Variants in LIN52 observed in about 807,000 individuals in gnomAD.
LIN52 encodes the protein protein lin-52 homolog.
In LIN52, 4 loss-of-function variants were observed where a neutral mutation model predicts 18.5. The observed-to-expected ratio is 0.22, with a 90% CI of 0.11 to 0.49. LIN52 has a LOEUF of 0.49. LIN52 is among the 20% of genes least tolerant of loss of function. The pLI is 0.97. For missense variants in LIN52, 102 were observed against 139.5 expected, an observed-to-expected ratio of 0.73 and a Z score of 1.35; for synonymous variants, 34 against 45.5, an observed-to-expected ratio of 0.75 and a Z score of 1.02.
chr14:74,121,869 G>A (rs79328555), intron 5 of LIN52, among the ~76,000 whole-genome samples: 11,407 of 151,896 alleles, frequency 0.075, 572 homozygotes, highest in South Asian at 0.26. Flanking sequence ...GATTACAGGC[G>A]CGCACACCAC....
In LIN52 at chr14:74,198,936, CG is replaced by C. The variant is rs2139601937; in HGVS notation, c.303del (p.Lys102AsnfsTer6). 6.2e-7 allele frequency: 1 copy of C among 1,612,126 alleles called. No individual in the cohort carries two copies. Among genetic ancestry groups the C allele is most frequent in the East Asian group, 2.2e-5 (1 of 44,862 alleles). ...LGLDESREMTRGKFLNILEKP... is the reference protein window; with the variant it reads ...LGLDESREMTXGKFLNILEKP... ...TGTGATTCCAGCCAGAGAGATGACA[CG>C]GGGGAAATTCCTCAATATTCTAGAG... On this transcript the variant is annotated frameshift_variant, in exon 6 of 6. Coordinates refer to ENST00000555028, the MANE Select transcript of LIN52 (RefSeq NM_001024674.3). LOFTEE classifies it high-confidence loss of function.
At chr14:74,129,670 TAGTG>T (rs1483358325) in intron 5 of LIN52, among the ~76,000 whole-genome samples, 1 of 152,038 alleles carries the variant, frequency 6.6e-6, no homozygotes, top group Non-Finnish European at 1.5e-5. Flanking sequence ...CCAAACAACA[TAGTG>T]AGAACCCATC....
At chr14:74,124,849 A>G (rs2061019963) in intron 5 of LIN52, among the ~76,000 whole-genome samples, 1 of 147,306 alleles carries the variant, frequency 6.8e-6, no homozygotes, top group Non-Finnish European at 1.5e-5. Flanking sequence ...GAGGCTCTTG[A>G]TAAAGAAGTG....
At position 74,118,876 on chromosome 14, in the gene LIN52, A is replaced by G. The variant is rs538869957; in HGVS notation, c.283+17638A>G. 7.1e-4 allele frequency among the ~76,000 whole-genome samples: 108 copies of G among 152,346 alleles called. 1 individual carries two copies. Among genetic ancestry groups the G allele is most frequent in the African/African-American group, 2.5e-3 (103 of 41,586 alleles). On this transcript the variant is annotated intron_variant, in intron 5 of 5. Transcript: ENST00000555028. ...TCAAAGCATTACTGTGACTTATACT[A>G]TCATAGAATAATTTTGTTTATCTTT...
At chr14:74,134,389 G>A (rs2061086068) in intron 5 of LIN52, among the ~76,000 whole-genome samples, 1 of 152,110 alleles carries the variant, frequency 6.6e-6, no homozygotes, top group Admixed American at 6.5e-5. Context: ...AGGAATGGTG[G>A]GATAGGAATT....
At chr14:74,088,953 G>A (rs562904110) in intron 1 of LIN52, among the ~76,000 whole-genome samples, 5 of 152,320 alleles carry the variant, frequency 3.3e-5, no homozygotes, top group East Asian at 1.9e-4. Context: ...TTTATAGAGT[G>A]TGGTAGATAC....
chr14:74,167,733 A>T (rs1413507832), intron 5 of LIN52, among the ~76,000 whole-genome samples: 1 of 152,072 alleles, frequency 6.6e-6, no homozygotes, highest in Non-Finnish European at 1.5e-5. Context: ...GGAGGGTCTC[A>T]CTATGTTGCC....
At chr14:74,195,266 A>G (rs989216031) in intron 5 of LIN52, among the ~76,000 whole-genome samples, 1 of 152,240 alleles carries the variant, frequency 6.6e-6, no homozygotes, top group African/African-American at 2.4e-5. Context: ...GAACAAAGAA[A>G]AAGGAGAAAA....
In LIN52 at chr14:74,096,057, CTTTATTTTAT is replaced by C. The variant is rs969000651; in HGVS notation, c.132+85_132+94del. On this transcript the variant is annotated intron_variant, in intron 3 of 5. Coordinates refer to ENST00000555028, the MANE Select transcript of LIN52 (RefSeq NM_001024674.3). ...CTGAGTAAAAGCTCAGATCTCTGTT[CTTTATTTTAT>C]TTTATTTTATTTATGGCAGAGTCTC... The C allele has an allele frequency of 2.8e-5, 29 of 1,036,194 alleles. No individual in the cohort carries two copies. In the Admixed American group the frequency reaches 6.8e-4, roughly 24 times the overall value. The allele number at this position is 1,036,194 out of a possible 1,614,324, so 64.2% of individuals were successfully genotyped here. A position where few individuals can be genotyped will look rare whatever the true frequency, so the allele number is the denominator to read the frequency against.
chr14:74,097,380 C>T (rs1418458461), intron 3 of LIN52, among the ~76,000 whole-genome samples: 1 of 151,650 alleles, frequency 6.6e-6, no homozygotes, highest in Non-Finnish European at 1.5e-5. Flanking sequence ...GCCAGTATTT[C>T]CAAACAACCT....
At chr14:74,156,320 C>A (rs2061198999) in intron 5 of LIN52, among the ~76,000 whole-genome samples, 1 of 152,070 alleles carries the variant, frequency 6.6e-6, no homozygotes, top group Non-Finnish European at 1.5e-5. Context: ...TTTAGACTAA[C>A]CCTTTTTTAC....
chr14:74,140,623 C>T (rs886280757), intron 5 of LIN52, among the ~76,000 whole-genome samples: 7 of 152,168 alleles, frequency 4.6e-5, no homozygotes, highest in Admixed American at 3.9e-4. Flanking sequence ...GACTGTCCGT[C>T]ACGAAAAGGG....
chr14:74,184,851 T>C (rs572258005), intron 5 of LIN52, among the ~76,000 whole-genome samples: 71 of 152,334 alleles, frequency 4.7e-4, no homozygotes, highest in African/African-American at 1.4e-3. Context: ...TTCTTCAAAA[T>C]GGTCCCATCT....
intron 5 of LIN52, among the ~76,000 whole-genome samples, chr14:74,115,796 T>G (rs2139912666): frequency 6.6e-6 from 1 of 152,356 alleles, no homozygotes; most frequent in African/African-American, 2.4e-5. Flanking sequence ...CATTCAAATC[T>G]TTTATCCGTT....
At chr14:74,093,964 C>T (rs1421290585) in intron 2 of LIN52, among the ~76,000 whole-genome samples, 1 of 134,182 alleles carries the variant, frequency 7.5e-6, no homozygotes, top group Non-Finnish European at 1.6e-5. Context: ...GGTTGAGCAA[C>T]AAGAGTGAAA....
intron 5 of LIN52, among the ~76,000 whole-genome samples, chr14:74,119,254 T>C: frequency 6.7e-6 from 1 of 149,726 alleles, no homozygotes; most frequent in Non-Finnish European, 1.5e-5. Flanking sequence ...CTCCGCCTCC[T>C]GGGTTCATGC....
At chr14:74,110,201 G>C (rs1191325477) in intron 5 of LIN52, among the ~76,000 whole-genome samples, 1 of 152,184 alleles carries the variant, frequency 6.6e-6, no homozygotes, top group Non-Finnish European at 1.5e-5. Context: ...CGTTCATGTA[G>C]CAGTTTAATG....
rs17098232 is a variant in LIN52 at position 74,198,929 on chromosome 14, G to A, written c.291G>A (p.Glu97=). 6,898 of 1,611,542 alleles carry A rather than the reference G, an allele frequency of 4.3e-3. 268 individuals are homozygous for A. In the African/African-American group the frequency reaches 0.079, roughly 18 times the overall value. The change falls in exon 6 of 6, where the codon GAG becomes GAA. Residue 97 remains glutamate, a synonymous_variant. Coordinates refer to ENST00000555028, the MANE Select transcript of LIN52 (RefSeq NM_001024674.3). The stretch of plus-strand genomic sequence containing the variant: ...TTTGCTTTGTGATTCCAGCCAGAGA[G>A]ATGACACGGGGGAAATTCCTCAATA... ...AYQLGLDESR[E]MTRGKFLNIL... is the part of the protein sequence containing the mutation.
chr14:74,130,587 C>CTTT (rs1566856707), intron 5 of LIN52, among the ~76,000 whole-genome samples: 5 of 115,714 alleles, frequency 4.3e-5, no homozygotes, highest in Non-Finnish European at 7.3e-5. Context: ...CTAAATTGGC[C>CTTT]ATTTTTTTTT....
Sources: allele counts gnomAD v4.1 joint callset (sites outside exome capture counted in the v4.1 genomes callset), GRCh38; gene constraint gnomAD v4.1.1; transcripts MANE v1.5; gene names NCBI Gene and HGNC (gene_info 2026-07-23, HGNC 2026-07-21).